DIAPH3: variants seen among roughly 807,000 people sequenced by gnomAD.
The protein encoded by DIAPH3 is protein diaphanous homolog 3.
A neutral mutation model predicts 144.3 loss-of-function variants in DIAPH3; 117 were observed. The observed-to-expected ratio is 0.81, with a 90% CI of 0.70 to 0.95. DIAPH3 has a LOEUF of 0.95. Among genes scored for constraint, DIAPH3 ranks in the 40% least tolerant of loss-of-function variants. DIAPH3 has a pLI of 0.00. For synonymous variants in DIAPH3, 519 were observed against 488.9 expected (o/e 1.06, Z -0.81); for missense variants, 1,421 against 1,412.7 (o/e 1.01, Z -0.09).
intron 27 of DIAPH3, among the ~76,000 whole-genome samples, chr13:59,751,231 T>G (rs1489271282): frequency 6.6e-6 from 1 of 152,248 alleles, no homozygotes; most frequent in Non-Finnish European, 1.5e-5. Context: ...GAGAAGAGTG[T>G]ACTGCGTTAT....
intron 9 of DIAPH3, among the ~76,000 whole-genome samples, chr13:59,997,507 C>T (rs1413155664): frequency 6.6e-6 from 1 of 152,054 alleles, no homozygotes; most frequent in South Asian, 2.1e-4. Context: ...GTAATAAACA[C>T]ATGAGTGCCA....
At position 59,720,762 on chromosome 13, in the gene DIAPH3, G is replaced by A. The variant is rs190597314; in HGVS notation, c.3319+53427C>T. ...GAAAAAAAATTAGAATTTTTGAGAA[G>A]AAGCTTAGCAGAACACAGTTATTGG... On this transcript the variant is annotated intron_variant, in intron 27 of 27. Transcript: ENST00000400324. Among the ~76,000 whole-genome samples the A allele has an allele frequency of 5.3e-3, 813 of 152,286 alleles. 9 individuals are homozygous for A. The highest frequency in any genetic ancestry group is 0.02 in the Middle Eastern group (6 of 294).
chr13:60,156,954 T>A, intron 1 of DIAPH3, among the ~76,000 whole-genome samples: 1 of 106,206 alleles, frequency 9.4e-6, no homozygotes, highest in African/African-American at 3.6e-5. Flanking sequence ...TTTTTTTTTT[T>A]TTTTTGAGAC....
intron 1 of DIAPH3, among the ~76,000 whole-genome samples, chr13:60,136,321 A>G (rs1157103479): frequency 6.6e-6 from 1 of 152,136 alleles, no homozygotes; most frequent in African/African-American, 2.4e-5. Flanking sequence ...AAAATAGTTA[A>G]CTGCAAACAT....
intron 16 of DIAPH3, among the ~76,000 whole-genome samples, chr13:59,970,282 A>G (rs183820187): frequency 2.4e-3 from 372 of 152,348 alleles, no homozygotes; most frequent in Non-Finnish European, 4.1e-3. Flanking sequence ...AGGATTTGAA[A>G]TACGATTTAA....
intron 19 of DIAPH3, among the ~76,000 whole-genome samples, chr13:59,912,387 T>A (rs567221850): frequency 1.3e-5 from 2 of 152,132 alleles, no homozygotes; most frequent in Non-Finnish European, 2.9e-5. Context: ...AACTAACTTT[T>A]CTGATGTGAA....
intron 25 of DIAPH3, among the ~76,000 whole-genome samples, chr13:59,778,891 A>G (rs1483582338): frequency 6.6e-6 from 1 of 152,246 alleles, no homozygotes; most frequent in Non-Finnish European, 1.5e-5. Context: ...CTCAGTTCTT[A>G]CAATATAAAG....
At chr13:60,089,850 T>A (rs919732982) in intron 4 of DIAPH3, among the ~76,000 whole-genome samples, 1 of 152,158 alleles carries the variant, frequency 6.6e-6, no homozygotes, top group Non-Finnish European at 1.5e-5. Flanking sequence ...CTCCTTTGAA[T>A]GGAAACAGTA....
chr13:59,710,813 C>G (rs1336163983), intron 27 of DIAPH3, among the ~76,000 whole-genome samples: 4 of 152,092 alleles, frequency 2.6e-5, no homozygotes, highest in African/African-American at 4.8e-5. Flanking sequence ...GGTTTATTCA[C>G]AAAAGCTATT....
chr13:59,825,442 G>A (rs924185853), intron 24 of DIAPH3, among the ~76,000 whole-genome samples: 1 of 152,078 alleles, frequency 6.6e-6, no homozygotes, highest in African/African-American at 2.4e-5. Flanking sequence ...ATCATTGTTG[G>A]ACATTTGGGT....
intron 25 of DIAPH3, among the ~76,000 whole-genome samples, chr13:59,778,888 CTTACAATATAAAG>C (rs1816106396): frequency 6.6e-6 from 1 of 152,190 alleles, no homozygotes; most frequent in Admixed American, 6.5e-5. Context: ...TATCTCAGTT[CTTACAATATAAAG>C]TTCCAACTCT....
rs1174348386 is a variant in DIAPH3 at position 59,802,678 on chromosome 13, T to A, written c.3163+8110A>T. Among the ~76,000 whole-genome samples the A allele has an allele frequency of 1.2e-4, 8 of 69,278 alleles. 1 individual carries two copies. The highest frequency in any genetic ancestry group is 4.1e-4 in the African/African-American group (8 of 19,674). 45.4% of individuals were successfully genotyped at this position (69,278 alleles called of 152,430 possible). A position where few individuals can be genotyped will look rare whatever the true frequency, so the allele number is the denominator to read the frequency against. ...TTATTATTATTATTATTTTTTTTTTTTTTTTTTTTTTTTTGAGACAGAGTC... is the reference window on the plus strand; with the variant it reads ...TTATTATTATTATTATTTTTTTTTTATTTTTTTTTTTTTTGAGACAGAGTC... On this transcript the variant is annotated intron_variant, in intron 25 of 27. Coordinates refer to ENST00000400324, the MANE Select transcript of DIAPH3 (RefSeq NM_001042517.2).
At chr13:59,781,937 G>C (rs1267453179) in intron 25 of DIAPH3, among the ~76,000 whole-genome samples, 1 of 152,132 alleles carries the variant, frequency 6.6e-6, no homozygotes, top group Admixed American at 6.6e-5. Context: ...GGACACAGCA[G>C]CAAGACACCA....
At chr13:59,931,747 T>C (rs2048030246) in intron 17 of DIAPH3, among the ~76,000 whole-genome samples, 1 of 152,218 alleles carries the variant, frequency 6.6e-6, no homozygotes, top group South Asian at 2.1e-4. Context: ...ATAATGATGA[T>C]GTTTATTTAG....
At chr13:60,156,940 T>TATATATATATATATATATATATA (rs58923567) in intron 1 of DIAPH3, among the ~76,000 whole-genome samples, 8 of 27,928 alleles carry the variant, frequency 2.9e-4, no homozygotes, top group Admixed American at 1.6e-3. Context: ...TATATATATA[T>TATATATATATATATATATATATA]TTTTTTTTTT....
chr13:60,087,952 T>C (rs1420660338), intron 4 of DIAPH3, among the ~76,000 whole-genome samples: 1 of 152,132 alleles, frequency 6.6e-6, no homozygotes, highest in Admixed American at 6.5e-5. Context: ...GAGGAGTCTA[T>C]CACAACTTCT....
intron 25 of DIAPH3, among the ~76,000 whole-genome samples, 174 bp downstream of exon 25, chr13:59,810,614 T>A (rs2040423201): frequency 6.6e-6 from 1 of 152,192 alleles, no homozygotes; most frequent in Non-Finnish European, 1.5e-5. Context: ...ACTACACTAC[T>A]CGTTAGTAAA....
At chr13:59,838,074 T>C (rs561233306) in intron 23 of DIAPH3, 1 of 152,298 alleles carries the variant, frequency 6.6e-6, no homozygotes, top group African/African-American at 2.4e-5. Context: ...AGTCATTTTA[T>C]TTCAAGTACC....
intron 17 of DIAPH3, among the ~76,000 whole-genome samples, chr13:59,927,446 A>C (rs2047807054): frequency 6.6e-6 from 1 of 152,094 alleles, no homozygotes; most frequent in Admixed American, 6.6e-5. Context: ...CTGTAATAAC[A>C]ATATTTGCAT....
Sources: allele counts gnomAD v4.1 joint callset (sites outside exome capture counted in the v4.1 genomes callset), GRCh38; gene constraint gnomAD v4.1.1; transcripts MANE v1.5; gene names NCBI Gene and HGNC (gene_info 2026-07-23, HGNC 2026-07-21).